Variants in IQANK1 observed in about 807,000 individuals in gnomAD.
The protein encoded by IQANK1 is IQ motif and ankyrin repeat domain-containing protein 1.
A neutral mutation model predicts 22.6 loss-of-function variants in IQANK1; 30 were observed. The observed-to-expected ratio is 1.33, with a 90% CI of 0.99 to 1.80. The LOEUF is 1.80. Among genes scored for constraint, IQANK1 ranks in the 40% most tolerant of loss-of-function variants. The pLI is 0.00. For synonymous variants in IQANK1, 122 were observed against 99.6 expected (o/e 1.23, Z -1.34); for missense variants, 275 against 235.2 (o/e 1.17, Z -1.11).
chr8:143,737,998 C>T (rs1412069316), intron 2 of IQANK1, among the ~76,000 whole-genome samples: 2 of 152,192 alleles, frequency 1.3e-5, no homozygotes, highest in East Asian at 1.9e-4. Flanking sequence ...GAGCAGTGGC[C>T]GGCACCGGTC....
intron 3 of IQANK1, chr8:143,759,483 T>G (rs1554628736): frequency 1.3e-5 from 2 of 152,396 alleles, no homozygotes; most frequent in African/African-American, 4.8e-5. Context: ...GGGCCCCACA[T>G]GCCCAGCAGC....
chr8:143,783,010 T>G, intron 7 of IQANK1, among the ~76,000 whole-genome samples: 1 of 152,232 alleles, frequency 6.6e-6, no homozygotes, highest in East Asian at 1.9e-4. Context: ...GTAGCTAAAG[T>G]TCATTTACTT....
At chr8:143,756,486 C>G (rs1819295282) in intron 3 of IQANK1, among the ~76,000 whole-genome samples, 1 of 152,024 alleles carries the variant, frequency 6.6e-6, no homozygotes, top group African/African-American at 2.4e-5. Flanking sequence ...CTTCGCACAC[C>G]CAGTTTCTTA....
chr8:143,768,778 T>C (rs1435361571), intron 3 of IQANK1, among the ~76,000 whole-genome samples: 3 of 152,180 alleles, frequency 2.0e-5, no homozygotes, highest in African/African-American at 7.2e-5. Context: ...ACTTTGTGAG[T>C]ATGAGGTTAT....
At chr8:143,739,814 T>C in intron 2 of IQANK1, 45 bp from the exon 3 acceptor site, 1 of 677,138 alleles carries the variant, frequency 1.5e-6, no homozygotes. Context: ...CTAATGGGGA[T>C]GGGGGTCTCT....
chr8:143,743,055 T>A (rs782524964), intron 3 of IQANK1: 9 of 455,886 alleles, frequency 2.0e-5, no homozygotes, highest in South Asian at 1.4e-4. Context: ...TGTGCCTGTG[T>A]CCCGTTGCTG....
chr8:143,769,482 G>A (rs72693342), intron 3 of IQANK1, among the ~76,000 whole-genome samples: 3,470 of 152,254 alleles, frequency 0.023, 43 homozygotes, highest in Middle Eastern at 0.037. Context: ...CAAGGCCACT[G>A]CGCTTGGCCT....
In IQANK1 at chr8:143,735,793, C is replaced by G; in HGVS notation, c.-4-57C>G. 1.4e-6 allele frequency: 1 copy of G among 700,244 alleles called. No homozygotes were observed. The highest frequency in any genetic ancestry group is 2.6e-6 in the Non-Finnish European group (1 of 383,670). The allele number at this position is 700,244 out of a possible 1,614,324, so 43.4% of individuals were successfully genotyped here. A position where few individuals can be genotyped will look rare whatever the true frequency, so the allele number is the denominator to read the frequency against. On this transcript the variant is annotated intron_variant, in intron 1 of 13. Coordinates refer to ENST00000527139, the MANE Select transcript of IQANK1 (RefSeq NM_001381874.1). This position sits in a 1 kb window ranked among gnomAD's most constrained non-coding sequence, Gnocchi z 5.2. ...TGCCCTGTTCCCCACTGCCACTGCCCCTGCCCTCTGCCACTCTGAGCACCC... is the reference window on the plus strand; with the variant it reads ...TGCCCTGTTCCCCACTGCCACTGCCGCTGCCCTCTGCCACTCTGAGCACCC...
At chr8:143,768,379 C>T (rs1819516644) in intron 3 of IQANK1, among the ~76,000 whole-genome samples, 1 of 151,974 alleles carries the variant, frequency 6.6e-6, no homozygotes, top group African/African-American at 2.4e-5. Context: ...GGGGGGGTTT[C>T]CGCCAGGTTT....
chr8:143,744,914 A>G (rs1381202557), intron 3 of IQANK1: 1 of 152,232 alleles, frequency 6.6e-6, no homozygotes, highest in African/African-American at 2.4e-5. Context: ...GCCTTCCATG[A>G]CTTCAGTAAA....
intron 3 of IQANK1, among the ~76,000 whole-genome samples, chr8:143,751,838 A>G (rs1819199879): frequency 6.6e-6 from 1 of 151,492 alleles, no homozygotes; most frequent in East Asian, 1.9e-4. Flanking sequence ...AGTGGTAACA[A>G]ACTCCTTCAG....
At chr8:143,746,735 T>A (rs1161901386) in intron 3 of IQANK1, among the ~76,000 whole-genome samples, 2 of 152,192 alleles carry the variant, frequency 1.3e-5, no homozygotes, top group Non-Finnish European at 2.9e-5. Flanking sequence ...GTTATATGTC[T>A]ATTCAGATTT....
chr8:143,760,227 T>G (rs565506827), intron 3 of IQANK1: 74 of 152,196 alleles, frequency 4.9e-4, no homozygotes, highest in African/African-American at 1.4e-3. Context: ...GAGCCCGGCT[T>G]TCTTGTCAAC....
At position 143,780,669 on chromosome 8, in the gene IQANK1, T is replaced by C. The variant is rs1554630850; in HGVS notation, c.789+8187T>C. On this transcript the variant is annotated intron_variant, in intron 7 of 13. Coordinates refer to ENST00000527139, the MANE Select transcript of IQANK1 (RefSeq NM_001381874.1). ...AGGACATGATCTCATTCTTTTTTTA[T>C]GGCTGCATAGTATTCCACGGTGTGC... 2.0e-5 allele frequency among the ~76,000 whole-genome samples: 3 copies of C among 152,374 alleles called. No homozygotes were observed. The East Asian group carries it at 5.8e-4, about 29-fold the overall frequency.
rs964402045 is a variant in IQANK1, at chr8:143,774,537, C to T, written c.789+2055C>T. ...GGGCAGGGATGTGGGGAAGCTGGCC[C>T]TGCCACACCTTGCTGGGGGGACGCA... On this transcript the variant is annotated intron_variant, in intron 7 of 13. Coordinates refer to ENST00000527139, the MANE Select transcript of IQANK1 (RefSeq NM_001381874.1). The surrounding 1 kb of genome is among the most constrained non-coding windows in gnomAD (Gnocchi z 4.2). Among the ~76,000 whole-genome samples the T allele has an allele frequency of 1.3e-5, 2 of 152,172 alleles. No homozygotes were observed. Among genetic ancestry groups the T allele is most frequent in the Admixed American group, 1.3e-4 (2 of 15,274 alleles).
chr8:143,743,573 C>T (rs1818967083), intron 3 of IQANK1, among the ~76,000 whole-genome samples: 1 of 152,184 alleles, frequency 6.6e-6, no homozygotes, highest in African/African-American at 2.4e-5. Flanking sequence ...GTCCCCTCCT[C>T]GCTTGCTCAG....
At chr8:143,760,941 T>C (rs1554628845) in intron 3 of IQANK1, among the ~76,000 whole-genome samples, 1 of 151,990 alleles carries the variant, frequency 6.6e-6, no homozygotes, top group Non-Finnish European at 1.5e-5. Flanking sequence ...GGGTCGACTT[T>C]GGACTTAGGA....
Position 143,771,824 on chromosome 8 carries a change from GGAGCAGGAGGCCGCGCGGCGGCTGCGC to G in IQANK1, c.341_367del (p.Ala114_Glu122del). 2.5e-6 allele frequency: 1 copy of G among 395,956 alleles called. No homozygotes were observed. The highest frequency in any genetic ancestry group is 4.5e-6 in the Non-Finnish European group (1 of 224,342). The allele number at this position is 395,956 out of a possible 1,614,324, so 24.5% of individuals were successfully genotyped here. A position where few individuals can be genotyped will look rare whatever the true frequency, so the allele number is the denominator to read the frequency against. On this transcript the variant is annotated inframe_deletion, in exon 5 of 14. Coordinates refer to ENST00000527139, the MANE Select transcript of IQANK1 (RefSeq NM_001381874.1). The surrounding 1 kb of genome is among the most constrained non-coding windows in gnomAD (Gnocchi z 6.0). ...AGGCCTACCTGGCTCCGGTGCGCCG[GGAGCAGGAGGCCGCGCGGCGGCTGCGC>G]GAGCAGGAGGAGGCGGCGCAGCGGG...
intron 3 of IQANK1, among the ~76,000 whole-genome samples, chr8:143,755,901 G>C (rs1819284949): frequency 6.6e-6 from 1 of 152,156 alleles, no homozygotes; most frequent in South Asian, 2.1e-4. Context: ...GCAGCCTTGG[G>C]GGGAGGAAGA....
Sources: allele counts gnomAD v4.1 joint callset (sites outside exome capture counted in the v4.1 genomes callset), GRCh38; gene constraint gnomAD v4.1.1; non-coding constraint Gnocchi (gnomAD v3.1); transcripts MANE v1.5; gene names NCBI Gene and HGNC (gene_info 2026-07-23, HGNC 2026-07-21).